FRMD7: variants seen among roughly 807,000 people sequenced by gnomAD.
The protein encoded by FRMD7 is FERM domain containing 7.
A neutral mutation model predicts 44.1 loss-of-function variants in FRMD7; 14 were observed. That is an observed-to-expected ratio of 0.32 (90% CI 0.21 to 0.50). The LOEUF (loss-of-function observed/expected upper bound fraction) is 0.50. Ranked by LOEUF, FRMD7 falls within the 20% of genes least tolerant of loss-of-function variation. The pLI is 0.99. For missense variants in FRMD7, 501 were observed against 522.3 expected (o/e 0.96, Z 0.40); for synonymous variants, 212 against 187.4 (o/e 1.13, Z -1.07).
chrX:132,114,143 A>G lies in FRMD7; in HGVS notation c.58-13427T>C, dbSNP rs1739374843. ...AATCAGTTTTACTCCATTTAGAAAC[A>G]GTGCTCACTATGTTGCCCAGCAGGG... On this transcript the variant is annotated intron_variant, in intron 1 of 11. Transcript: ENST00000298542. 6.3e-5 allele frequency among the ~76,000 whole-genome samples: 7 copies of G among 111,450 alleles called. No individual in the cohort carries two copies. The South Asian group carries it at 2.2e-3, about 36-fold the overall frequency.
chrX:132,126,103 C>G (rs1300868404), intron 1 of FRMD7, among the ~76,000 whole-genome samples: 3 of 108,849 alleles, frequency 2.8e-5, no homozygotes, highest in Non-Finnish European at 5.8e-5. Flanking sequence ...TCACTATCAT[C>G]ATCATCATCA....
intron 1 of FRMD7, among the ~76,000 whole-genome samples, chrX:132,118,931 C>T (rs962036434): frequency 9.0e-5 from 10 of 111,286 alleles, no homozygotes; most frequent in African/African-American, 2.9e-4. Context: ...TTAGACATCA[C>T]CTTCCTTAGA....
At chrX:132,116,885 T>C (rs1928913434) in intron 1 of FRMD7, among the ~76,000 whole-genome samples, 1 of 112,178 alleles carries the variant, frequency 8.9e-6, no homozygotes, top group African/African-American at 3.2e-5. Flanking sequence ...AACTGCAACA[T>C]GGTGGTTCTT....
intron 5 of FRMD7, among the ~76,000 whole-genome samples, chrX:132,091,980 G>T (rs1928190161): frequency 8.9e-6 from 1 of 112,102 alleles, no homozygotes; most frequent in African/African-American, 3.2e-5. Context: ...CTTATCACCT[G>T]CTACCATGCA....
intron 5 of FRMD7, among the ~76,000 whole-genome samples, chrX:132,089,653 T>A (rs1237475091): frequency 8.9e-6 from 1 of 111,938 alleles, no homozygotes; most frequent in Non-Finnish European, 1.9e-5. Context: ...AATAATAATA[T>A]AAAAACTCAT....
chrX:132,089,419 T>C (rs1390672297), intron 5 of FRMD7, among the ~76,000 whole-genome samples: 4 of 111,384 alleles, frequency 3.6e-5, no homozygotes, highest in African/African-American at 9.8e-5. Context: ...TAGGAGAAAA[T>C]CTTTTTGACC....
intron 1 of FRMD7, among the ~76,000 whole-genome samples, chrX:132,105,141 G>A (rs1005281044): frequency 7.2e-5 from 8 of 111,381 alleles, no homozygotes; most frequent in Non-Finnish European, 1.3e-4. Context: ...AACCAAGACT[G>A]GAAATCATCG....
At chrX:132,117,594 C>T (rs1243073331) in intron 1 of FRMD7, among the ~76,000 whole-genome samples, 5 of 110,924 alleles carry the variant, frequency 4.5e-5, no homozygotes, top group African/African-American at 1.6e-4. Context: ...AAGCAGGGAA[C>T]AAAAGAAACA....
intron 5 of FRMD7, among the ~76,000 whole-genome samples, chrX:132,093,659 C>T (rs1042174540): frequency 4.4e-5 from 5 of 112,435 alleles, no homozygotes; most frequent in Admixed American, 2.8e-4. Flanking sequence ...ACAAACGTGA[C>T]AATGTGCTAC....
At chrX:132,086,661 G>GA (rs768288026) in intron 5 of FRMD7, among the ~76,000 whole-genome samples, 9,111 of 93,414 alleles carry the variant, frequency 0.098, 458 homozygotes, top group African/African-American at 0.19. Flanking sequence ...AAGGCCTCAG[G>GA]AAAAAAAAAA....
chrX:132,098,810 A>G (rs1928415631), intron 3 of FRMD7, among the ~76,000 whole-genome samples: 1 of 110,745 alleles, frequency 9.0e-6, no homozygotes, highest in Non-Finnish European at 1.9e-5. Flanking sequence ...TTTGGGAAGC[A>G]CTAACATGTA....
intron 9 of FRMD7, among the ~76,000 whole-genome samples, chrX:132,080,799 C>T (rs1055089504): frequency 3.6e-5 from 4 of 111,228 alleles, no homozygotes; most frequent in Non-Finnish European, 7.5e-5. Flanking sequence ...GGCAACACAG[C>T]GAGACCCTGT....
At chrX:132,126,883 A>G (rs1929169258) in intron 1 of FRMD7, among the ~76,000 whole-genome samples, 1 of 112,330 alleles carries the variant, frequency 8.9e-6, no homozygotes, top group Admixed American at 9.5e-5. Flanking sequence ...ACATGATTCA[A>G]ATAAAAATAA....
intron 9 of FRMD7, among the ~76,000 whole-genome samples, chrX:132,080,818 A>G (rs1927783983): frequency 9.0e-6 from 1 of 111,088 alleles, no homozygotes; most frequent in African/African-American, 3.3e-5. Flanking sequence ...GTCTCAAATA[A>G]TAATAACAAT....
chrX:132,126,333 C>T (rs1333148952), intron 1 of FRMD7, among the ~76,000 whole-genome samples: 1 of 111,641 alleles, frequency 9.0e-6, no homozygotes, highest in East Asian at 2.8e-4. Context: ...AAATCTCTCC[C>T]ATTATCTTTC....
intron 1 of FRMD7, among the ~76,000 whole-genome samples, chrX:132,104,617 C>G (rs759299870): frequency 9.0e-6 from 1 of 111,285 alleles, no homozygotes; most frequent in Non-Finnish European, 1.9e-5. Flanking sequence ...GGTGTGAACC[C>G]GGGAGGCGGA....
At chrX:132,124,828 C>G (rs747596901) in intron 1 of FRMD7, among the ~76,000 whole-genome samples, 1 of 111,777 alleles carries the variant, frequency 8.9e-6, no homozygotes, top group Non-Finnish European at 1.9e-5. Context: ...CTCTTGCTCA[C>G]GAACTTTACC....
At chrX:132,101,122 AC>A (rs1403034309) in intron 1 of FRMD7, among the ~76,000 whole-genome samples, 1 of 109,390 alleles carries the variant, frequency 9.1e-6, no homozygotes, top group African/African-American at 3.3e-5. Flanking sequence ...CTTCAGTGGC[AC>A]CCCCTCAGGA....
At chrX:132,101,408 T>C (rs1928494841) in intron 1 of FRMD7, among the ~76,000 whole-genome samples, 1 of 112,267 alleles carries the variant, frequency 8.9e-6, no homozygotes, top group Admixed American at 9.4e-5. Flanking sequence ...CTTCAATCCC[T>C]ATCAGCCGCA....
Sources: gnomAD v4.1 joint callset for allele counts (sites outside exome capture counted in the v4.1 genomes callset) on GRCh38, gnomAD v4.1.1 for gene constraint, MANE v1.5 for transcripts, NCBI Gene and HGNC (gene_info 2026-07-23, HGNC 2026-07-21) for gene names.